JAG2: variants seen among roughly 807,000 people sequenced by gnomAD.
JAG2 encodes protein jagged-2.
Under a neutral mutation model 141.7 loss-of-function variants are expected in JAG2, and 46 were observed. The observed-to-expected ratio is 0.32, with a 90% confidence interval of 0.26 to 0.42. JAG2 has a LOEUF of 0.42. Among genes scored for constraint, JAG2 ranks in the 10% least tolerant of loss-of-function variants. The pLI, the probability that JAG2 is intolerant of heterozygous loss-of-function variation, is 1.00. For missense variants in JAG2, 1,500 were observed against 1,817.5 expected (o/e 0.83, Z 3.18); for synonymous variants, 862 against 763.5 (o/e 1.13, Z -2.13).
rs770944862 is a variant in JAG2 at position 105,142,832 on chromosome 14, C to T, written c.3580G>A (p.Glu1194Lys). 7 of 1,610,386 alleles carry T rather than the reference C, an allele frequency of 4.3e-6. No individual in the cohort carries two copies. In the African/African-American group the frequency reaches 9.3e-5, roughly 22 times the overall value. The stretch of plus-strand genomic sequence containing the variant: ...GTGAATTTGTGTGAGAGGAACTTCT[C>T]CGCCTCCAGGGAGTCCTCCTCACCG... ...GRGEEDSLEAEKFLSHKFTKD... is the reference protein window; with the variant it reads ...GRGEEDSLEAKKFLSHKFTKD... Residue 1194 changes from glutamate to lysine, a missense_variant, in exon 26 of 26, where the codon GAG becomes AAG. Physicochemically the swap from Glu to Lys is moderately conservative, Grantham distance 56 (BLOSUM62 1). Around this residue, in one of 3 missense-constraint regions of JAG2, gnomAD observed 425 missense variants for 441.0 expected, o/e 0.96. Coordinates refer to ENST00000331782, the MANE Select transcript of JAG2 (RefSeq NM_002226.5).
chr14:105,155,417 C>T (rs1458665815), intron 5 of JAG2, 145 bp downstream of exon 5: 6 of 886,220 alleles, frequency 6.8e-6, no homozygotes, highest in Non-Finnish European at 1.1e-5. Context: ...ACTAAGGAGC[C>T]TCCCGAGCTC....
At chr14:105,146,015 G>T in intron 22 of JAG2, 42 bp from the exon 23 acceptor site, 1 of 1,577,338 alleles carries the variant, frequency 6.3e-7, no homozygotes, top group Non-Finnish European at 8.6e-7. Context: ...AGGCGCACAG[G>T]AGGGTCAGAT....
Position 105,167,614 on chromosome 14 carries a change from C to T in JAG2, c.417+143G>A, listed in dbSNP as rs2140999748. ...GCGCGGACCAAGTCCCCAGAGCACG[C>T]GCCCCCTGCCGGCCCCGCCCCGCCT... On this transcript the variant is annotated intron_variant, in intron 2 of 25. Transcript: ENST00000331782. This position sits in a 1 kb window ranked among gnomAD's most constrained non-coding sequence, Gnocchi z 4.8. The T allele has an allele frequency of 1.0e-6, 1 of 972,588 alleles. No homozygotes were observed. Among genetic ancestry groups the T allele is most frequent in the Non-Finnish European group, 1.3e-6 (1 of 780,804 alleles). The allele number at this position is 972,588 out of a possible 1,614,324, so 60.2% of individuals were successfully genotyped here.
chr14:105,158,005 C>G (rs1192185476), intron 2 of JAG2, among the ~76,000 whole-genome samples: 2 of 152,214 alleles, frequency 1.3e-5, no homozygotes, highest in Non-Finnish European at 2.9e-5. Flanking sequence ...GGCCTGGGCT[C>G]CCTACCGTTG....
chr14:105,163,395 C>T (rs1888814765), intron 2 of JAG2, among the ~76,000 whole-genome samples: 1 of 152,130 alleles, frequency 6.6e-6, no homozygotes, highest in Admixed American at 6.5e-5. Flanking sequence ...CCTGGGTGTA[C>T]CCCCACTCCC....
rs150562256 is a variant in JAG2 at position 105,142,231 on chromosome 14, G to C, written c.*464C>G. 6.1e-6 allele frequency: 1 copy of C among 163,090 alleles called. No individual in the cohort carries two copies. Among genetic ancestry groups the C allele is most frequent in the Non-Finnish European group, 1.3e-5 (1 of 74,862 alleles). 10.1% of individuals were successfully genotyped at this position (163,090 alleles called of 1,614,324 possible). A position where few individuals can be genotyped will look rare whatever the true frequency, so the allele number is the denominator to read the frequency against. On this transcript the variant is annotated 3_prime_UTR_variant, in exon 26 of 26. Transcript: ENST00000331782. ...CCCATTGACAGCCACGAGTCCCACCGACAGCCACAGGCCACACCATCAGCC... is the reference window on the plus strand; with the variant it reads ...CCCATTGACAGCCACGAGTCCCACCCACAGCCACAGGCCACACCATCAGCC...
chr14:105,147,170 G>A (rs1888250325), intron 20 of JAG2, 156 bp downstream of exon 20: 4 of 691,710 alleles, frequency 5.8e-6, no homozygotes, highest in East Asian at 5.4e-5. Flanking sequence ...AACCCCACAG[G>A]GCACAGACAT....
intron 2 of JAG2, among the ~76,000 whole-genome samples, chr14:105,165,450 G>A (rs587770962): frequency 2.0e-5 from 3 of 152,304 alleles, no homozygotes; most frequent in South Asian, 2.1e-4. Context: ...GTCTGGGGGT[G>A]GAGCCAGGAG....
chr14:105,147,139 C>T (rs1888249380), intron 20 of JAG2, 187 bp downstream of exon 20: 8 of 644,230 alleles, frequency 1.2e-5, no homozygotes, highest in South Asian at 8.9e-5. Flanking sequence ...CACTTAATCA[C>T]TTGGCAGGGT....
chr14:105,156,890 A>C (rs142267512), intron 3 of JAG2, among the ~76,000 whole-genome samples: 1 of 151,698 alleles, frequency 6.6e-6, no homozygotes, highest in Non-Finnish European at 1.5e-5. Context: ...GGGTCCCCAC[A>C]ACTGCTGCTC....
At position 105,151,607 on chromosome 14, in the gene JAG2, C is replaced by T. The variant is rs1238694666; in HGVS notation, c.1153+19G>A. Reference sequence around the variant, plus strand: ...ACTGATACTAGGCAGGAGTCCCCTACTCACGTGCAGACACTCACCAAGGGC... The same window carrying T: ...ACTGATACTAGGCAGGAGTCCCCTATTCACGTGCAGACACTCACCAAGGGC... On this transcript the variant is annotated intron_variant, in intron 8 of 25. Transcript: ENST00000331782. 9 of 1,575,890 alleles carry T rather than the reference C, an allele frequency of 5.7e-6. No individual in the cohort carries two copies. The highest frequency in any genetic ancestry group is 2.3e-5 in the East Asian group (1 of 43,924).
At chr14:105,162,689 A>ACCCCAAAGCCCAGAGTAT (rs111381615) in intron 2 of JAG2, among the ~76,000 whole-genome samples, 1 of 140,262 alleles carries the variant, frequency 7.1e-6, no homozygotes, top group Non-Finnish European at 1.5e-5. Context: ...GGTCCAAGGC[A>ACCCCAAAGCCCAGAGTAT]CCCAAAGTAC....
At chr14:105,149,403 A>G (rs1888342309) in intron 12 of JAG2, 83 bp from the exon 13 acceptor site, 1 of 1,581,234 alleles carries the variant, frequency 6.3e-7, no homozygotes, top group Non-Finnish European at 8.7e-7. Flanking sequence ...ATACGAAGGT[A>G]GATCCCTGGG....
Position 105,152,178 on chromosome 14 carries a change from C to G in JAG2, c.902G>C (p.Gly301Ala). 1 of 1,613,802 alleles carries G rather than the reference C, an allele frequency of 6.2e-7. No individual in the cohort carries two copies. Among genetic ancestry groups the G allele is most frequent in the Non-Finnish European group, 8.5e-7 (1 of 1,180,018 alleles). Reference sequence around the variant, plus strand: ...ACCACTACCTTTGTCACAGAGCAGGCCGCCCCAGTTGGTCTCACAGTTGCA... The same window carrying G: ...ACCACTACCTTTGTCACAGAGCAGGGCGCCCCAGTTGGTCTCACAGTTGCA... The part of the protein sequence containing the change: ...WQCNCETNWG[G>A]LLCDKDLNYC... The change falls in exon 6 of 26, where the codon GGC becomes GCC. Residue 301 changes from glycine (G) to alanine (A), a missense_variant. Physicochemically the swap from Gly to Ala is moderately conservative, Grantham distance 60. Transcript: ENST00000331782.
chr14:105,156,097 GC>G, intron 3 of JAG2, 108 bp from the exon 4 acceptor site: 3 of 1,399,586 alleles, frequency 2.1e-6, no homozygotes, highest in Non-Finnish European at 2.9e-6. Context: ...CAAGGCCGGG[GC>G]ACAGCAGGCA....
rs145660902 is a variant in JAG2, at chr14:105,151,975, G to C, written c.1002C>G (p.Thr334=). 1.5e-5 allele frequency: 25 copies of C among 1,613,392 alleles called. No homozygotes were observed. Among genetic ancestry groups the C allele is most frequent in the Non-Finnish European group, 2.1e-5 (25 of 1,180,030 alleles). ...TCCTGCCCGAGTAGCCGTCAGGGCA[G>C]GTGCAGCGGTACTGGTCAGGCTCGG... ...INAEPDQYRC[T]CPDGYSGRNC... The change falls in exon 7 of 26, where the codon ACC becomes ACG. Residue 334 remains threonine (T), a synonymous_variant. Transcript: ENST00000331782.
rs779947303 is a variant in JAG2, at chr14:105,152,029, G to A, written c.948C>T (p.Pro316=). 5.6e-6 allele frequency: 9 copies of A among 1,613,340 alleles called. No individual in the cohort carries two copies. The South Asian group carries it at 9.9e-5, about 18-fold the overall frequency. The change falls in exon 7 of 26, where the codon CCC becomes CCT. Residue 316 remains proline (P), a synonymous_variant. Transcript: ENST00000331782. ...TGATGCACGTGCCTCCGTTGGTGCA[G>A]GGGTGGTGGCTGCCACAGTAGTTCA... ...KDLNYCGSHH[P]CTNGGTCINA...
chr14:105,148,563 CCGGG>C (rs1301904204), intron 15 of JAG2, 124 bp from the exon 16 acceptor site: 1 of 854,916 alleles, frequency 1.2e-6, no homozygotes, highest in Non-Finnish European at 1.8e-6. Flanking sequence ...GAGCGTCGGG[CCGGG>C]GGAGCTGGCC....
At chr14:105,165,039 G>A (rs1566771672) in intron 2 of JAG2, among the ~76,000 whole-genome samples, 1 of 152,180 alleles carries the variant, frequency 6.6e-6, no homozygotes, top group Non-Finnish European at 1.5e-5. Context: ...CTGCCCTGGA[G>A]CCCAGCACAC....
Sources: gnomAD v4.1 joint callset for allele counts (sites outside exome capture counted in the v4.1 genomes callset) on GRCh38, gnomAD v4.1.1 for gene constraint, gnomAD v4.1.1 regional missense constraint, Gnocchi (gnomAD v3.1) non-coding constraint, MANE v1.5 for transcripts, NCBI Gene and HGNC (gene_info 2026-07-23, HGNC 2026-07-21) for gene names.